Variants in TUBGCP5 observed in about 807,000 individuals in gnomAD.
TUBGCP5 encodes gamma-tubulin complex component 5.
TUBGCP5 carries 98 observed loss-of-function variants against 134.7 expected under a neutral mutation model. The ratio of observed to expected loss-of-function variants is 0.73; its 90% CI spans 0.62 to 0.86. TUBGCP5 has a LOEUF of 0.86. TUBGCP5 is among the 40% of genes least tolerant of loss of function. TUBGCP5 has a pLI of 0.00. For missense variants in TUBGCP5, 1,150 were observed against 1,244.8 expected (o/e 0.92, Z 1.15); for synonymous variants, 456 against 431.4 (o/e 1.06, Z -0.71).
downstream of TUBGCP5, among the ~76,000 whole-genome samples, chr15:22,998,692 G>T (rs1223915210): frequency 2.6e-5 from 4 of 151,790 alleles, no homozygotes; most frequent in African/African-American, 9.7e-5. Flanking sequence ...TAGGCTCACC[G>T]CAACCTCTGC....
intron 8 of TUBGCP5, among the ~76,000 whole-genome samples, 192 bp from the exon 9 acceptor site, chr15:23,025,022 C>G (rs543433390): frequency 3.7e-4 from 56 of 152,140 alleles, no homozygotes; most frequent in Admixed American, 3.3e-3. Context: ...CAGCCTCAGC[C>G]TCTCCAGCAG....
chr15:23,012,115 CAA>C (rs1210798007), intron 13 of TUBGCP5, among the ~76,000 whole-genome samples: 29 of 80,802 alleles, frequency 3.6e-4, no homozygotes, highest in Admixed American at 5.8e-4. Context: ...AAACCTGACT[CAA>C]AAAAAAAAAA....
Position 23,023,877 on chromosome 15 carries a change from TA to T in TUBGCP5, c.1168+69del, listed in dbSNP as rs540532484. Reference sequence around the variant, plus strand: ...TAGGCAACTTTCAAATCTTATATAATAAAAACTCTAAGTGGCATTCAAATTA... The same window carrying T: ...TAGGCAACTTTCAAATCTTATATAATAAAACTCTAAGTGGCATTCAAATTA... On this transcript the variant is annotated intron_variant, in intron 10 of 22. Coordinates refer to ENST00000615383, the MANE Select transcript of TUBGCP5 (RefSeq NM_052903.6). 676 of 1,476,334 alleles carry T rather than the reference TA, an allele frequency of 4.6e-4. 6 individuals are homozygous for T. Among genetic ancestry groups the T allele is most frequent in the Middle Eastern group, 2.8e-3 (12 of 4,224 alleles). The allele number at this position is 1,476,334 out of a possible 1,614,324, so 91.5% of individuals were successfully genotyped here.
chr15:23,005,778 A>G, intron 18 of TUBGCP5, 168 bp from the exon 19 acceptor site: 1 of 736,202 alleles, frequency 1.4e-6, no homozygotes, highest in Non-Finnish European at 2.2e-6. Flanking sequence ...GCAGTGGGAA[A>G]AGTTTCCTGT....
intron 5 of TUBGCP5, 41 bp downstream of exon 5, chr15:23,031,909 C>A: frequency 1.3e-6 from 2 of 1,490,562 alleles, no homozygotes; most frequent in South Asian, 1.2e-5. Flanking sequence ...TATCACCTGG[C>A]GTGTATTTCA....
intron 23 of TUBGCP5, among the ~76,000 whole-genome samples, chr15:22,992,471 TATATATATACACAC>T (rs1053315144): frequency 6.6e-6 from 1 of 152,024 alleles, no homozygotes; most frequent in Non-Finnish European, 1.5e-5. Context: ...GTATGGGTAA[TATATATATACACAC>T]ATATATATGT....
intron 13 of TUBGCP5, 48 bp from the exon 14 acceptor site, chr15:23,011,379 T>C (rs2065023114): frequency 7.3e-7 from 1 of 1,369,416 alleles, no homozygotes; most frequent in Non-Finnish European, 1.0e-6. Context: ...TGTTTAATCA[T>C]ATTAAGTAAC....
In TUBGCP5 at chr15:23,017,705, G is replaced by A. The variant is rs1429378583; in HGVS notation, c.1756+68C>T. 3.4e-6 allele frequency: 5 copies of A among 1,463,846 alleles called. No homozygotes were observed. In the East Asian group the frequency reaches 9.6e-5, roughly 28 times the overall value. 90.7% of individuals were successfully genotyped at this position (1,463,846 alleles called of 1,614,324 possible). ...CAAACTACAAAATAATTAGGTATCAGGATGACAAGAGCGAGTAGGGTCAGG... is the reference window on the plus strand; with the variant it reads ...CAAACTACAAAATAATTAGGTATCAAGATGACAAGAGCGAGTAGGGTCAGG... On this transcript the variant is annotated intron_variant, in intron 13 of 22. Coordinates refer to ENST00000615383, the MANE Select transcript of TUBGCP5 (RefSeq NM_052903.6).
chr15:22,988,690 C>T lies in TUBGCP5; in HGVS notation c.*62-5079G>A, dbSNP rs567375980. Among the ~76,000 whole-genome samples, 209 of 148,924 alleles carry T rather than the reference C, an allele frequency of 1.4e-3. 1 individual carries two copies. Among genetic ancestry groups the T allele is most frequent in the African/African-American group, 4.8e-3 (193 of 40,252 alleles). On this transcript the variant is annotated intron_variant and NMD_transcript_variant, in intron 23 of 23. Transcript: ENST00000614508. ...GGCAGAGCTTGCAGTGAGCCGAGAT[C>T]GCGTGACTGCACTCCAGCCTGGACG...
intron 23 of TUBGCP5, among the ~76,000 whole-genome samples, chr15:22,992,000 TACA>T (rs1244523381): frequency 1.7e-4 from 26 of 152,298 alleles, no homozygotes; most frequent in Admixed American, 1.6e-3. Context: ...GCAGTTCATC[TACA>T]ACAAAACCAG....
chr15:23,036,199 T>C (rs1444476518), intron 3 of TUBGCP5, among the ~76,000 whole-genome samples: 1 of 152,140 alleles, frequency 6.6e-6, no homozygotes, highest in Non-Finnish European at 1.5e-5. Context: ...GGGCTCTGCT[T>C]GCTTATGTGA....
At chr15:23,004,500 G>T (rs1031720947) in intron 19 of TUBGCP5, 19 of 397,502 alleles carry the variant, frequency 4.8e-5, no homozygotes, top group African/African-American at 3.6e-4. Flanking sequence ...TTCCTGGCAG[G>T]AAGGGGCAAG....
In TUBGCP5 at chr15:22,999,662, T is replaced by C. The variant is rs1282352593; in HGVS notation, c.*158A>G. 4.0e-5 allele frequency: 30 copies of C among 741,972 alleles called. No homozygotes were observed. Among genetic ancestry groups the C allele is most frequent in the Non-Finnish European group, 6.4e-5 (29 of 454,132 alleles). 46.0% of individuals were successfully genotyped at this position (741,972 alleles called of 1,614,324 possible). A position where few individuals can be genotyped will look rare whatever the true frequency, so the allele number is the denominator to read the frequency against. On this transcript the variant is annotated 3_prime_UTR_variant, in exon 23 of 23. Coordinates refer to ENST00000615383, the MANE Select transcript of TUBGCP5 (RefSeq NM_052903.6). ...GTGATCTGCCTGTCTTGGCCTCCCA[T>C]CGTGCTGGGATTAGAGGCATGAGCG...
chr15:23,038,680 AT>A (rs931984705), intron 1 of TUBGCP5, among the ~76,000 whole-genome samples: 5 of 151,134 alleles, frequency 3.3e-5, no homozygotes, highest in African/African-American at 7.3e-5. Flanking sequence ...TAACATTAAC[AT>A]TTTTTTAGTA....
intron 10 of TUBGCP5, among the ~76,000 whole-genome samples, chr15:23,022,613 T>C (rs2065767314): frequency 6.6e-6 from 1 of 152,226 alleles, no homozygotes; most frequent in African/African-American, 2.4e-5. Flanking sequence ...AGTGGCTATG[T>C]GGAGCTAGAC....
rs565092607 is a variant in TUBGCP5, at chr15:22,991,238, C to T, written c.*61+5607G>A. ...TCAGCCTCTTGAGTAGCTGGGATTA[C>T]AGGCGCACACCACCACACCCGGCTA... On this transcript the variant is annotated intron_variant and NMD_transcript_variant, in intron 23 of 23. Coordinates refer to the TUBGCP5 transcript ENST00000614508. Among the ~76,000 whole-genome samples the T allele has an allele frequency of 9.9e-4, 151 of 152,192 alleles. 2 individuals carry two copies. Among genetic ancestry groups the T allele is most frequent in the Middle Eastern group, 6.8e-3 (2 of 294 alleles).
chr15:23,011,034 G>A, intron 14 of TUBGCP5, 99 bp downstream of exon 14: 3 of 1,183,624 alleles, frequency 2.5e-6, no homozygotes, highest in Non-Finnish European at 1.2e-6. Context: ...GCCTACAAGA[G>A]TTTTTGTTTT....
chr15:23,016,986 A>ATATATATATATATG lies in TUBGCP5; in HGVS notation c.1756+786_1756+787insCATATATATATATA, dbSNP rs373904143. 3.3e-4 allele frequency among the ~76,000 whole-genome samples: 46 copies of ATATATATATATATG among 138,332 alleles called. 2 individuals are homozygous for ATATATATATATATG. In the South Asian group the frequency reaches 3.5e-3, roughly 11 times the overall value. The allele number at this position is 138,332 out of a possible 152,430, so 90.8% of individuals were successfully genotyped here. ...AATTGTGAGATATATATATATATAT[A>ATATATATATATATG]TGTATATATCTTGAAGATAAAAGAG... On this transcript the variant is annotated intron_variant, in intron 13 of 22. Coordinates refer to ENST00000615383, the MANE Select transcript of TUBGCP5 (RefSeq NM_052903.6).
intron 6 of TUBGCP5, among the ~76,000 whole-genome samples, chr15:23,028,922 A>G (rs1262832396): frequency 6.6e-6 from 1 of 152,212 alleles, no homozygotes; most frequent in Non-Finnish European, 1.5e-5. Flanking sequence ...ATGAATCAAC[A>G]AACTATTATG....
Sources: gnomAD v4.1 joint callset for allele counts (sites outside exome capture counted in the v4.1 genomes callset) on GRCh38, gnomAD v4.1.1 for gene constraint, MANE v1.5 for transcripts, NCBI Gene and HGNC (gene_info 2026-07-23, HGNC 2026-07-21) for gene names.